Variants in WWOX observed in about 807,000 individuals in gnomAD.
WWOX encodes WW domain-containing oxidoreductase.
In WWOX, 69 loss-of-function variants were observed where a neutral mutation model predicts 46.2. The observed-to-expected ratio is 1.49, with a 90% CI of 1.23 to 1.82. The LOEUF (loss-of-function observed/expected upper bound fraction) is 1.82, where lower values mean the gene tolerates loss of function less well. WWOX is among the 40% of genes most tolerant of loss of function. The pLI is 0.00. For synonymous variants in WWOX, 359 were observed against 202.6 expected, an observed-to-expected ratio of 1.77 and a Z score of -6.56; for missense variants, 919 against 542.6, an observed-to-expected ratio of 1.69 and a Z score of -6.89.
At chr16:79,028,062 C>A (rs1480040271) in intron 8 of WWOX, among the ~76,000 whole-genome samples, 2 of 151,816 alleles carry the variant, frequency 1.3e-5, no homozygotes, top group African/African-American at 2.4e-5. Flanking sequence ...CGCCATTCTC[C>A]TGCTCTGCCT....
At chr16:78,605,899 A>G (rs565786480) in intron 8 of WWOX, among the ~76,000 whole-genome samples, 56 of 152,162 alleles carry the variant, frequency 3.7e-4, no homozygotes, top group Non-Finnish European at 7.2e-4. Context: ...TGCAAGTTCA[A>G]ATACCTCTTG....
chr16:78,647,401 G>C (rs2046868783), intron 8 of WWOX, among the ~76,000 whole-genome samples: 1 of 152,108 alleles, frequency 6.6e-6, no homozygotes, highest in Admixed American at 6.6e-5. Context: ...GCTTCTGTGG[G>C]TCTCCAGGTT....
intron 8 of WWOX, among the ~76,000 whole-genome samples, chr16:78,755,737 T>A (rs751548195): frequency 6.6e-6 from 1 of 152,128 alleles, no homozygotes; most frequent in Non-Finnish European, 1.5e-5. Context: ...CTATTAAATA[T>A]GCCGAATATT....
At chr16:78,261,513 A>G (rs2079233255) in intron 5 of WWOX, among the ~76,000 whole-genome samples, 1 of 150,730 alleles carries the variant, frequency 6.6e-6, no homozygotes, top group Non-Finnish European at 1.5e-5. Flanking sequence ...TCTCTTCTGC[A>G]GATTTTTTTT....
chr16:78,166,912 A>T (rs1176662539), intron 5 of WWOX: 1 of 152,210 alleles, frequency 6.6e-6, no homozygotes, highest in Non-Finnish European at 1.5e-5. Flanking sequence ...GACAGTGTAG[A>T]CAGACAACTG....
At chr16:78,231,342 A>G (rs922924493) in intron 5 of WWOX, among the ~76,000 whole-genome samples, 4 of 152,204 alleles carry the variant, frequency 2.6e-5, no homozygotes, top group African/African-American at 9.6e-5. Context: ...TGCATTGCAC[A>G]TTTGCCACTT....
chr16:78,811,967 C>T (rs1241830912), intron 8 of WWOX, among the ~76,000 whole-genome samples: 2 of 151,790 alleles, frequency 1.3e-5, no homozygotes, highest in Non-Finnish European at 2.9e-5. Context: ...TTGTGCCAGA[C>T]ATGTAATAAT....
At chr16:78,981,916 C>G (rs2046690114) in intron 8 of WWOX, 1 of 152,210 alleles carries the variant, frequency 6.6e-6, no homozygotes, top group Non-Finnish European at 1.5e-5. Flanking sequence ...TTCAAGCATC[C>G]TGAAGATTTG....
intron 8 of WWOX, among the ~76,000 whole-genome samples, chr16:79,109,483 A>G (rs1362897385): frequency 1.3e-5 from 2 of 152,152 alleles, no homozygotes; most frequent in Non-Finnish European, 2.9e-5. Context: ...TTTAAATTCA[A>G]GGATTTATGT....
chr16:78,229,880 T>A (rs1180795519), intron 5 of WWOX, among the ~76,000 whole-genome samples: 2 of 152,126 alleles, frequency 1.3e-5, no homozygotes, highest in Non-Finnish European at 2.9e-5. Flanking sequence ...GTTCAACATC[T>A]TTCTTTCTTT....
chr16:78,165,561 T>G (rs1251243153), intron 5 of WWOX, among the ~76,000 whole-genome samples: 1 of 151,902 alleles, frequency 6.6e-6, no homozygotes, highest in East Asian at 1.9e-4. Context: ...GAATGGCAGG[T>G]GCAGAGGCCC....
At chr16:78,192,202 A>G (rs529994768) in intron 5 of WWOX, among the ~76,000 whole-genome samples, 69 of 152,282 alleles carry the variant, frequency 4.5e-4, no homozygotes, top group African/African-American at 1.4e-3. Context: ...ATTATTAAAA[A>G]AGAAAACGAA....
At chr16:78,338,232 A>G (rs1424512443) in intron 5 of WWOX, among the ~76,000 whole-genome samples, 3 of 120,906 alleles carry the variant, frequency 2.5e-5, no homozygotes, top group African/African-American at 8.4e-5. Context: ...TTACTATCGT[A>G]TTCAGCAACC....
At chr16:78,956,872 G>C (rs1274962811) in intron 8 of WWOX, among the ~76,000 whole-genome samples, 1 of 152,130 alleles carries the variant, frequency 6.6e-6, no homozygotes, top group Non-Finnish European at 1.5e-5. Flanking sequence ...CAAACATGTA[G>C]GCTTGAGCCA....
intron 8 of WWOX, among the ~76,000 whole-genome samples, chr16:78,505,665 A>C (rs897095391): frequency 6.6e-6 from 1 of 152,046 alleles, no homozygotes; most frequent in Admixed American, 6.5e-5. Flanking sequence ...AAGTCTGGCT[A>C]GCAACACCCT....
At chr16:79,040,439 A>T (rs117868651) in intron 8 of WWOX, among the ~76,000 whole-genome samples, 5,535 of 151,898 alleles carry the variant, frequency 0.036, 136 homozygotes, top group South Asian at 0.059. Flanking sequence ...ATGGCCAGAT[A>T]ATTGTTTTGC....
At chr16:78,525,140 A>G (rs2043432977) in intron 8 of WWOX, 2 of 145,426 alleles carry the variant, frequency 1.4e-5, no homozygotes, top group Non-Finnish European at 1.5e-5. Flanking sequence ...TGCTGGGATT[A>G]TAGGCATGAG....
chr16:78,901,683 T>G (rs914789298), intron 8 of WWOX, among the ~76,000 whole-genome samples: 6 of 152,106 alleles, frequency 3.9e-5, no homozygotes, highest in African/African-American at 1.4e-4. Context: ...GTAACACGGT[T>G]TTTTCATGTT....
chr16:79,176,739 G>C (rs1278464483), intron 8 of WWOX, among the ~76,000 whole-genome samples: 1 of 152,136 alleles, frequency 6.6e-6, no homozygotes, highest in African/African-American at 2.4e-5. Flanking sequence ...AGGCATAGTG[G>C]TATGTTCAGC....
Sources: gnomAD v4.1 joint callset for allele counts (sites outside exome capture counted in the v4.1 genomes callset) on GRCh38, gnomAD v4.1.1 for gene constraint, MANE v1.5 for transcripts, NCBI Gene and HGNC (gene_info 2026-07-23, HGNC 2026-07-21) for gene names.